Variants in ENTPD6 observed in about 807,000 individuals in gnomAD.
The protein encoded by ENTPD6 is CD39 antigen-like 2.
A neutral mutation model predicts 61.5 loss-of-function variants in ENTPD6; 46 were observed. The ratio of observed to expected loss-of-function variants is 0.75; its 90% CI spans 0.59 to 0.96. The LOEUF is 0.96. Among genes scored for constraint, ENTPD6 ranks in the 40% least tolerant of loss-of-function variants. The pLI is 0.00. For missense variants in ENTPD6, 612 were observed against 629.0 expected, an observed-to-expected ratio of 0.97 and a Z score of 0.29; for synonymous variants, 252 against 255.5, an observed-to-expected ratio of 0.99 and a Z score of 0.13.
intron 4 of ENTPD6, among the ~76,000 whole-genome samples, chr20:25,210,291 T>C (rs1442021377): frequency 6.6e-6 from 1 of 152,248 alleles, no homozygotes; most frequent in East Asian, 1.9e-4. Flanking sequence ...TTTTGCATAA[T>C]ACATTTTTAA....
Position 25,221,305 on chromosome 20 carries a change from C to G in ENTPD6, c.1017C>G (p.Val339=), listed in dbSNP as rs750064471. 7 of 1,614,186 alleles carry G rather than the reference C, an allele frequency of 4.3e-6. No individual in the cohort carries two copies. The highest frequency in any genetic ancestry group is 1.1e-5 in the South Asian group (1 of 91,074). The change falls in exon 11 of 15, where the codon GTC becomes GTG. Residue 339 remains valine (V), a synonymous_variant. Transcript: ENST00000376652. ...AAGGAGAGTGGGAACACGCAGAAGT[C>G]ACGTACAGGGTTTCAGGGCAGAAAG... ...SFKGEWEHAE[V]TYRVSGQKAA...
At chr20:25,210,449 C>T (rs1324313716) in intron 4 of ENTPD6, among the ~76,000 whole-genome samples, 1 of 136,164 alleles carries the variant, frequency 7.3e-6, no homozygotes, top group African/African-American at 2.5e-5. Context: ...AGTTGAAGAC[C>T]AGCCTGGGCA....
At chr20:25,222,760 C>A in intron 11 of ENTPD6, 78 bp from the exon 12 acceptor site, 2 of 1,567,284 alleles carry the variant, frequency 1.3e-6, no homozygotes, top group Non-Finnish European at 1.7e-6. Flanking sequence ...GTCTCAAGTC[C>A]CCTGGGAGGG....
At position 25,227,807 on chromosome 20, in the gene ENTPD6, C is replaced by A. The variant is rs1294570885; in HGVS notation, c.*2210C>A. Among the ~76,000 whole-genome samples, 1 of 152,262 alleles carries A rather than the reference C, an allele frequency of 6.6e-6. No homozygotes were observed. Among genetic ancestry groups the A allele is most frequent in the East Asian group, 1.9e-4 (1 of 5,202 alleles). On this transcript the variant is annotated 3_prime_UTR_variant, in exon 15 of 15. Transcript: ENST00000376652. Reference sequence around the variant, plus strand: ...TTCAGGGCATAAGCAGACGTTGCCACGTTGCCTTCAATCCTACTGGACAAG... The same window carrying A: ...TTCAGGGCATAAGCAGACGTTGCCAAGTTGCCTTCAATCCTACTGGACAAG...
Position 25,195,880 on chromosome 20 carries a change from C to CGGGGG in ENTPD6, c.-16+13_-16+14insGGGGG. 1.6e-6 allele frequency: 2 copies of CGGGGG among 1,234,522 alleles called. No individual in the cohort carries two copies. Among genetic ancestry groups the CGGGGG allele is most frequent in the African/African-American group, 3.1e-5 (2 of 64,450 alleles). 76.5% of individuals were successfully genotyped at this position (1,234,522 alleles called of 1,614,324 possible). A position where few individuals can be genotyped will look rare whatever the true frequency, so the allele number is the denominator to read the frequency against. The stretch of plus-strand genomic sequence containing the variant: ...CGCGCGGTGCATGGTAAGCGGCGGG[C>CGGGGG]CGGGGCGCTGGCGGGGGCGGCCGGG... On this transcript the variant is annotated intron_variant, in intron 1 of 14. Transcript: ENST00000376652.
At chr20:25,217,476 A>C in intron 8 of ENTPD6, 26 bp from the exon 9 acceptor site, 1 of 1,607,802 alleles carries the variant, frequency 6.2e-7, no homozygotes, top group African/African-American at 1.3e-5. Flanking sequence ...CCAGCAGGAA[A>C]CATAGTTACC....
intron 6 of ENTPD6, 65 bp from the exon 7 acceptor site, chr20:25,215,611 G>A (rs2123063007): frequency 1.3e-6 from 2 of 1,539,440 alleles, no homozygotes; most frequent in East Asian, 4.5e-5. Context: ...TCATTTAACG[G>A]TCCTGTGTGT....
chr20:25,219,533 C>T (rs184654559), intron 10 of ENTPD6, among the ~76,000 whole-genome samples: 12 of 152,322 alleles, frequency 7.9e-5, no homozygotes, highest in East Asian at 5.8e-4. Context: ...GGCATCACAG[C>T]GGGCATGGAC....
In ENTPD6 at chr20:25,217,581, G is replaced by A. The variant is rs1382245250; in HGVS notation, c.878G>A (p.Ser293Asn). 1.2e-6 allele frequency: 2 copies of A among 1,614,076 alleles called. No individual in the cohort carries two copies. Among genetic ancestry groups the A allele is most frequent in the South Asian group, 2.2e-5 (2 of 91,076 alleles). The stretch of plus-strand genomic sequence containing the variant: ...AGGACCTACAAGCTCTATTCCTACA[G>A]GTCTGCTTTCGGGAACAGGCGTGGG... ...FNRTYKLYSYSYLGLGLMSAR... is the reference protein window; with the variant it reads ...FNRTYKLYSYNYLGLGLMSAR... The change falls in exon 9 of 15, where the codon AGC becomes AAC. Residue 293 changes from serine (S) to asparagine (N), a missense_variant and splice_region_variant. By Grantham distance (46) the Ser-to-Asn change is conservative. Coordinates refer to ENST00000376652, the MANE Select transcript of ENTPD6 (RefSeq NM_001247.5).
intron 4 of ENTPD6, among the ~76,000 whole-genome samples, chr20:25,211,512 C>G (rs1450078864): frequency 6.6e-6 from 1 of 152,214 alleles, no homozygotes; most frequent in Non-Finnish European, 1.5e-5. Flanking sequence ...TAAACAGAGT[C>G]ATCTGTATTC....
chr20:25,216,705 C>G lies in ENTPD6; in HGVS notation c.767C>G (p.Ser256Cys). 6.2e-7 allele frequency: 1 copy of G among 1,606,298 alleles called. No individual in the cohort carries two copies. Among genetic ancestry groups the G allele is most frequent in the Non-Finnish European group, 8.5e-7 (1 of 1,176,884 alleles). Reference protein sequence around the residue: ...SVGMLDLGGGSTQIAFLPRVE... With the variant: ...SVGMLDLGGGCTQIAFLPRVE... ...GGCATGCTGGACTTGGGCGGAGGAT[C>G]CACTCAGATCGCCTTCCTGCCACGC... The change falls in exon 8 of 15, where the codon TCC (serine) becomes TGC (cysteine). Residue 256 changes from serine (S) to cysteine (C), a missense_variant. Physicochemically the swap from Ser to Cys is moderately radical, Grantham distance 112 (BLOSUM62 -1). Transcript: ENST00000376652.
intron 1 of ENTPD6, among the ~76,000 whole-genome samples, chr20:25,202,014 A>G (rs1035914328): frequency 1.6e-4 from 25 of 152,358 alleles, no homozygotes; most frequent in African/African-American, 5.8e-4. Context: ...CCTTACTGAT[A>G]ACATAAATAG....
rs903419816 is a variant in ENTPD6, at chr20:25,227,998, C to T, written c.*2401C>T. On this transcript the variant is annotated 3_prime_UTR_variant, in exon 15 of 15. Transcript: ENST00000376652. ...TGAAACATCTGTTCATATCCCTTGC[C>T]GATTTTCTATAAGATTGTCATCATT... Among the ~76,000 whole-genome samples the T allele has an allele frequency of 6.6e-6, 1 of 152,068 alleles. No homozygotes were observed. The highest frequency in any genetic ancestry group is 1.5e-5 in the Non-Finnish European group (1 of 68,034).
intron 1 of ENTPD6, among the ~76,000 whole-genome samples, chr20:25,198,052 A>G (rs1040798526): frequency 3.3e-5 from 5 of 152,178 alleles, no homozygotes; most frequent in African/African-American, 4.8e-5. Context: ...GACACAGGGC[A>G]TGGCACATAA....
At chr20:25,197,329 C>T in intron 1 of ENTPD6, 1 of 831,248 alleles carries the variant, frequency 1.2e-6, no homozygotes, top group Non-Finnish European at 1.5e-6. Flanking sequence ...ACTCCTGCCT[C>T]CACCTGCTGG....
At chr20:25,221,825 C>A in intron 11 of ENTPD6, 1 of 248,596 alleles carries the variant, frequency 4.0e-6, no homozygotes, top group South Asian at 5.0e-5. Context: ...GGGCACTCGG[C>A]ATGAGGGGTG....
In ENTPD6 at chr20:25,222,939, T is replaced by C. The variant is rs1391619163; in HGVS notation, c.1147T>C (p.Ser383Pro). Reference sequence around the variant, plus strand: ...GAAGCATGTGGACTTCTATGCTTTCTCCTACTATTACGACCTTGCAGCTGG... The same window carrying C: ...GAAGCATGTGGACTTCTATGCTTTCCCCTACTATTACGACCTTGCAGCTGG... Reference protein sequence around the residue: ...EVKHVDFYAFSYYYDLAAGVG... With the variant: ...EVKHVDFYAFPYYYDLAAGVG... Residue 383 changes from serine (S) to proline (P), a missense_variant, in exon 12 of 15, where the codon TCC (serine) becomes CCC (proline). Physicochemically the swap from Ser to Pro is moderately conservative, Grantham distance 74. Coordinates refer to ENST00000376652, the MANE Select transcript of ENTPD6 (RefSeq NM_001247.5). 1.2e-6 allele frequency: 2 copies of C among 1,611,470 alleles called. No individual in the cohort carries two copies. Among genetic ancestry groups the C allele is most frequent in the Admixed American group, 1.7e-5 (1 of 59,912 alleles).
chr20:25,202,410 C>T (rs1010787606), intron 1 of ENTPD6, among the ~76,000 whole-genome samples: 1 of 152,032 alleles, frequency 6.6e-6, no homozygotes, highest in African/African-American at 2.4e-5. Flanking sequence ...TAGGGAAGGA[C>T]TTGTTTTTGA....
chr20:25,224,816 T>G, intron 13 of ENTPD6: 6 of 206,534 alleles, frequency 2.9e-5, no homozygotes, highest in East Asian at 1.2e-4. Flanking sequence ...TCTTGGTGGA[T>G]TTGTCCTTCC....
Sources: allele counts gnomAD v4.1 joint callset (sites outside exome capture counted in the v4.1 genomes callset), GRCh38; gene constraint gnomAD v4.1.1; transcripts MANE v1.5; gene names NCBI Gene and HGNC (gene_info 2026-07-23, HGNC 2026-07-21).